The following ZFHX3 variants were observed in gnomAD, a reference collection of about 807,000 sequenced individuals.
The protein encoded by ZFHX3 is zinc finger homeobox protein 3.
A neutral mutation model predicts 279.1 loss-of-function variants in ZFHX3; 42 were observed. The ratio of observed to expected loss-of-function variants is 0.15; its 90% CI spans 0.12 to 0.19. ZFHX3 has a LOEUF of 0.19. ZFHX3 is among the 10% of genes least tolerant of loss of function. The probability of loss-of-function intolerance (pLI) is 1.00; values close to 1 mark genes in which losing one functional copy is unlikely to be tolerated. For missense variants in ZFHX3, 4,981 were observed against 4,754.0 expected (o/e 1.05, Z -1.40); for synonymous variants, 2,293 against 1,957.8 (o/e 1.17, Z -4.52).
At chr16:73,065,431 G>A (rs1003554332) in intron 8 of ZFHX3, among the ~76,000 whole-genome samples, 1 of 151,844 alleles carries the variant, frequency 6.6e-6, no homozygotes, top group Admixed American at 6.6e-5. Flanking sequence ...AACCTATGCC[G>A]TGTACATATT....
In ZFHX3 at chr16:72,819,557, G is replaced by A. The variant is rs185951249; in HGVS notation, c.3530-7519C>T. Reference sequence around the variant, plus strand: ...TTCCCAAGTAATGCTGATGGTCCAGGGACGACACTTTGAGAACAGTGGTCA... The same window carrying A: ...TTCCCAAGTAATGCTGATGGTCCAGAGACGACACTTTGAGAACAGTGGTCA... On this transcript the variant is annotated intron_variant, in intron 5 of 9. Transcript: ENST00000268489. Among the ~76,000 whole-genome samples, 526 of 152,266 alleles carry A rather than the reference G, an allele frequency of 3.5e-3. 9 individuals are homozygous for A. Among genetic ancestry groups the A allele is most frequent in the African/African-American group, 0.012 (499 of 41,556 alleles).
At chr16:73,445,690 C>T (rs572827348) in intron 3 of ZFHX3, among the ~76,000 whole-genome samples, 3 of 152,184 alleles carry the variant, frequency 2.0e-5, no homozygotes, top group African/African-American at 7.2e-5. Flanking sequence ...CAACTTCCAA[C>T]TTCTGGAGTC....
chr16:72,978,337 A>T (rs1286637241), intron 1 of ZFHX3, among the ~76,000 whole-genome samples: 1 of 152,192 alleles, frequency 6.6e-6, no homozygotes, highest in African/African-American at 2.4e-5. Context: ...ACCGGAACTG[A>T]CACAGCTGGA....
chr16:73,208,601 G>A (rs1035423487), intron 5 of ZFHX3, among the ~76,000 whole-genome samples: 6 of 152,152 alleles, frequency 3.9e-5, no homozygotes, highest in African/African-American at 1.4e-4. Context: ...ACAAAAGTAG[G>A]AGTCAAGATG....
chr16:72,935,599 G>T (rs1044157256), intron 3 of ZFHX3, among the ~76,000 whole-genome samples: 1 of 152,000 alleles, frequency 6.6e-6, no homozygotes, highest in Non-Finnish European at 1.5e-5. Flanking sequence ...ACATTAGCTG[G>T]GCATGGTGGC....
chr16:73,871,180 A>G (rs1364884585), intron 1 of ZFHX3, among the ~76,000 whole-genome samples: 1 of 152,216 alleles, frequency 6.6e-6, no homozygotes, highest in Non-Finnish European at 1.5e-5. Flanking sequence ...ATGGTGCTCA[A>G]TTACACTGGA....
At chr16:73,524,130 T>C (rs76968785) in intron 2 of ZFHX3, among the ~76,000 whole-genome samples, 8,042 of 152,224 alleles carry the variant, frequency 0.053, 264 homozygotes, top group East Asian at 0.09. Flanking sequence ...TAATTTCTCA[T>C]CTGTCAGCTG....
At chr16:73,879,413 G>A (rs996773488) in intron 1 of ZFHX3, among the ~76,000 whole-genome samples, 2 of 151,940 alleles carry the variant, frequency 1.3e-5, no homozygotes, top group Non-Finnish European at 2.9e-5. Context: ...AATTCACCGA[G>A]GTTTTGTAAG....
In ZFHX3 at chr16:73,004,159, C is replaced by CTTTTTT. The variant is rs3081625; in HGVS notation, c.-50+43587_-50+43592dup. ...CAATAATAACTACATAAAAACACGA[C>CTTTTTT]TTTTTTTTTTTTTTTTTTTTTTTTT... On this transcript the variant is annotated intron_variant, in intron 1 of 9. Coordinates refer to ENST00000268489, the MANE Select transcript of ZFHX3 (RefSeq NM_006885.4). Among the ~76,000 whole-genome samples, 316 of 49,356 alleles carry CTTTTTT rather than the reference C, an allele frequency of 6.4e-3. 57 individuals are homozygous for CTTTTTT. The highest frequency in any genetic ancestry group is 0.02 in the African/African-American group (192 of 9,430). The allele number at this position is 49,356 out of a possible 152,430, so 32.4% of individuals were successfully genotyped here.
At chr16:73,041,916 C>G (rs1207885060) in intron 1 of ZFHX3, among the ~76,000 whole-genome samples, 1 of 151,978 alleles carries the variant, frequency 6.6e-6, no homozygotes, top group Non-Finnish European at 1.5e-5. Context: ...TAGTTAAGAA[C>G]AATTGTTTAA....
At chr16:73,033,009 G>A (rs1964764270) in intron 1 of ZFHX3, among the ~76,000 whole-genome samples, 1 of 152,148 alleles carries the variant, frequency 6.6e-6, no homozygotes. Context: ...AAGGAAGAAG[G>A]TAGATGCATG....
At chr16:73,483,357 G>A (rs1424378504) in intron 2 of ZFHX3, 1 of 455,102 alleles carries the variant, frequency 2.2e-6, no homozygotes. Flanking sequence ...GAGAAAGAGA[G>A]AGAGAGAGAG....
intron 4 of ZFHX3, among the ~76,000 whole-genome samples, chr16:72,882,609 T>G (rs1442340034): frequency 6.6e-6 from 1 of 152,188 alleles, no homozygotes; most frequent in Non-Finnish European, 1.5e-5. Flanking sequence ...CTGACCATCC[T>G]GGTGATGCCA....
intron 2 of ZFHX3, among the ~76,000 whole-genome samples, chr16:73,669,069 T>A (rs965335902): frequency 1.5e-4 from 23 of 151,974 alleles, no homozygotes; most frequent in African/African-American, 5.6e-4. Context: ...CTTTTCTATT[T>A]TCTATTTTTT....
intron 3 of ZFHX3, among the ~76,000 whole-genome samples, chr16:73,454,432 G>A (rs558209300): frequency 7.2e-5 from 11 of 152,200 alleles, no homozygotes; most frequent in African/African-American, 2.4e-4. Flanking sequence ...ATCTCAAGAG[G>A]AGTTCATTCG....
chr16:73,413,532 A>G (rs1286696994), intron 3 of ZFHX3, among the ~76,000 whole-genome samples: 4 of 152,232 alleles, frequency 2.6e-5, no homozygotes, highest in Admixed American at 1.3e-4. Flanking sequence ...AGCTCCTACA[A>G]TTAGCAAAAG....
intron 1 of ZFHX3, among the ~76,000 whole-genome samples, chr16:73,690,697 G>A (rs934706818): frequency 3.3e-5 from 5 of 152,210 alleles, no homozygotes; most frequent in African/African-American, 9.6e-5. Flanking sequence ...TGCATTGTGA[G>A]TTTTCCTCTT....
chr16:72,796,688 T>C lies in ZFHX3; in HGVS notation c.5994A>G (p.Leu1998=), dbSNP rs973344064. 1.2e-6 allele frequency: 2 copies of C among 1,613,984 alleles called. No individual in the cohort carries two copies. Among genetic ancestry groups the C allele is most frequent in the Non-Finnish European group, 1.7e-6 (2 of 1,180,002 alleles). Residue 1998 remains leucine, a synonymous_variant, in exon 9 of 10, where the codon TTA becomes TTG. Transcript: ENST00000268489. ...GATGAACGTGCTCTTGATGACTCTT[T>C]AAAATCAAGATGTTGGAAAACAACT... ...CGKLFSNILI[L]KSHQEHVHQN...
At chr16:73,390,714 G>C (rs2016993869) in intron 3 of ZFHX3, among the ~76,000 whole-genome samples, 1 of 152,076 alleles carries the variant, frequency 6.6e-6, no homozygotes, top group African/African-American at 2.4e-5. Flanking sequence ...GCCAGCATTT[G>C]GTGGGAACAA....
Sources: gnomAD v4.1 joint callset for allele counts (sites outside exome capture counted in the v4.1 genomes callset) on GRCh38, gnomAD v4.1.1 for gene constraint, MANE v1.5 for transcripts, NCBI Gene and HGNC (gene_info 2026-07-23, HGNC 2026-07-21) for gene names.